KIAA1549: variants seen among roughly 807,000 people sequenced by gnomAD.
KIAA1549 encodes UPF0606 protein KIAA1549.
Under a neutral mutation model 156.4 loss-of-function variants are expected in KIAA1549, and 70 were observed. The observed-to-expected ratio is 0.45, with a 90% CI of 0.37 to 0.55. KIAA1549 has a LOEUF of 0.55. Ranked by LOEUF, KIAA1549 falls within the 20% of genes least tolerant of loss-of-function variation. The pLI is 0.00. For synonymous variants in KIAA1549, 1,103 were observed against 1,066.4 expected, an observed-to-expected ratio of 1.03 and a Z score of -0.67; for missense variants, 2,428 against 2,540.9, an observed-to-expected ratio of 0.96 and a Z score of 0.96.
chr7:138,847,366 T>C (rs550154617), intron 17 of KIAA1549, among the ~76,000 whole-genome samples: 1 of 152,198 alleles, frequency 6.6e-6, no homozygotes, highest in Non-Finnish European at 1.5e-5. Context: ...TTGCTGCTTT[T>C]GGATCACAAA....
chr7:138,981,162 G>A lies in KIAA1549; in HGVS notation c.108C>T (p.Cys36=), dbSNP rs1814536899. The A allele has an allele frequency of 5.1e-6, 6 of 1,179,254 alleles. No individual in the cohort carries two copies. Among genetic ancestry groups the A allele is most frequent in the Non-Finnish European group, 5.2e-6 (5 of 954,330 alleles). The allele number at this position is 1,179,254 out of a possible 1,614,324, so 73.0% of individuals were successfully genotyped here. A position where few individuals can be genotyped will look rare whatever the true frequency, so the allele number is the denominator to read the frequency against. ...GCAGCCCCGGGCGGCGGCGGCGGGCGCAGCGGGCGGAAGGCCGTCGGCCGC... is the reference window on the plus strand; with the variant it reads ...GCAGCCCCGGGCGGCGGCGGCGGGCACAGCGGGCGGAAGGCCGTCGGCCGC... ...GPSGRRPSAR[C]ARRRRPGLLL... Residue 36 remains cysteine, a synonymous_variant, in exon 1 of 20, where the codon TGC becomes TGT. Coordinates refer to ENST00000422774, the MANE Select transcript of KIAA1549 (RefSeq NM_001164665.2). This position sits in a 1 kb window ranked among gnomAD's most constrained non-coding sequence, Gnocchi z 4.5.
Position 138,917,592 on chromosome 7 carries a change from C to T in KIAA1549, c.2034G>A (p.Leu678=). The T allele has an allele frequency of 1.2e-6, 2 of 1,613,844 alleles. No homozygotes were observed. Among genetic ancestry groups the T allele is most frequent in the Non-Finnish European group, 1.7e-6 (2 of 1,179,872 alleles). ...TGGGAAGAGACAGCTGAGATGACTG[C>T]AGATCACTAGAGTCAAACAATGTAA... ...ETFTLFDSSD[L]QSSQLSLPSS... The change falls in exon 2 of 20, where the codon CTG becomes CTA. Residue 678 remains leucine, a synonymous_variant. Transcript: ENST00000422774.
At chr7:138,972,887 T>C (rs1222057629) in intron 1 of KIAA1549, among the ~76,000 whole-genome samples, 1 of 152,154 alleles carries the variant, frequency 6.6e-6, no homozygotes, top group East Asian at 1.9e-4. Context: ...AGTGGCACAA[T>C]CTCAGCTCAC....
chr7:138,837,927 G>A lies in KIAA1549; in HGVS notation c.5832C>T (p.Thr1944=), dbSNP rs375087417. The A allele has an allele frequency of 9.3e-5, 150 of 1,613,666 alleles. No individual in the cohort carries two copies. In the African/African-American group the frequency reaches 1.5e-3, roughly 16 times the overall value. Residue 1944 remains threonine, a synonymous_variant, in exon 20 of 20, where the codon ACC becomes ACT. Coordinates refer to ENST00000422774, the MANE Select transcript of KIAA1549 (RefSeq NM_001164665.2). ...ELLRLSQKQS[T]VQNFHS is the part of the protein sequence containing the mutation. ...CCGATCAGCTGTGGAAGTTCTGCAC[G>A]GTGCTCTGTTTCTGGGAGAGCCGGA...
intron 15 of KIAA1549, among the ~76,000 whole-genome samples, chr7:138,866,609 G>A (rs1049984236): frequency 2.0e-5 from 3 of 152,184 alleles, no homozygotes; most frequent in Non-Finnish European, 1.5e-5. Context: ...CAGTGCTGCC[G>A]GAGTTAGCGG....
chr7:138,952,116 C>G (rs1813518949), intron 1 of KIAA1549, among the ~76,000 whole-genome samples: 1 of 152,132 alleles, frequency 6.6e-6, no homozygotes, highest in African/African-American at 2.4e-5. Flanking sequence ...AGGTCAGAGC[C>G]CCCGGCACTT....
intron 8 of KIAA1549, among the ~76,000 whole-genome samples, chr7:138,899,738 T>A (rs1434810385): frequency 6.6e-6 from 1 of 152,010 alleles, no homozygotes; most frequent in African/African-American, 2.4e-5. Flanking sequence ...CACTGCCAGA[T>A]GCACCCTGGA....
intron 12 of KIAA1549, among the ~76,000 whole-genome samples, chr7:138,879,105 GAAGA>G (rs2130401272): frequency 6.6e-6 from 1 of 152,330 alleles, no homozygotes; most frequent in South Asian, 2.1e-4. Flanking sequence ...CCACCTGGTG[GAAGA>G]AAGATCTAGG....
chr7:138,912,583 A>G (rs542993464), intron 2 of KIAA1549, 123 bp from the exon 3 acceptor site: 537 of 760,096 alleles, frequency 7.1e-4, no homozygotes, highest in Non-Finnish European at 1.0e-3. Context: ...TTTTTGTAAA[A>G]TAAAGGCCAG....
intron 15 of KIAA1549, among the ~76,000 whole-genome samples, chr7:138,865,781 A>G (rs1810720770): frequency 6.6e-6 from 1 of 152,210 alleles, no homozygotes; most frequent in South Asian, 2.1e-4. Context: ...AGGCAAATGA[A>G]GACAGCCAGG....
At chr7:138,843,790 C>T (rs1809989142) in intron 18 of KIAA1549, among the ~76,000 whole-genome samples, 1 of 152,112 alleles carries the variant, frequency 6.6e-6, no homozygotes, top group Non-Finnish European at 1.5e-5. Context: ...TTCCAGGACA[C>T]ACTATTTTTT....
intron 12 of KIAA1549, among the ~76,000 whole-genome samples, chr7:138,877,380 G>A (rs1811118526): frequency 6.6e-6 from 1 of 152,112 alleles, no homozygotes; most frequent in South Asian, 2.1e-4. Context: ...TGTAATCCCA[G>A]CTACTCGGGA....
In KIAA1549 at chr7:138,907,029, T is replaced by C; in HGVS notation, c.3350A>G (p.Lys1117Arg). 6.2e-7 allele frequency: 1 copy of C among 1,613,690 alleles called. No homozygotes were observed. Among genetic ancestry groups the C allele is most frequent in the Non-Finnish European group, 8.5e-7 (1 of 1,179,746 alleles). Residue 1117 changes from lysine (K) to arginine (R), a missense_variant, in exon 6 of 20, where the codon AAA becomes AGA. Physicochemically the swap from Lys to Arg is conservative, Grantham distance 26. This residue lies in a region of KIAA1549 where 762 missense variants were observed against 901.6 expected (regional missense o/e 0.85). Transcript: ENST00000422774. ...CCCATTCAAAAATCCCTGTGTGCTT[T>C]TAACCGCAAAGATGATATTCACCGG... The part of the protein sequence containing the change: ...RGPVNIIFAV[K>R]STQGFLNGSE...
intron 1 of KIAA1549, among the ~76,000 whole-genome samples, chr7:138,957,269 C>G (rs1309405579): frequency 6.6e-6 from 1 of 152,104 alleles, no homozygotes; most frequent in African/African-American, 2.4e-5. Context: ...AAGGATTGAA[C>G]AAACCAGAGA....
chr7:138,969,909 A>G (rs947192528), intron 1 of KIAA1549, among the ~76,000 whole-genome samples: 1 of 152,198 alleles, frequency 6.6e-6, no homozygotes, highest in Non-Finnish European at 1.5e-5. Context: ...TACGTAATGC[A>G]TAATAATCAC....
At chr7:138,964,029 T>C (rs1813936661) in intron 1 of KIAA1549, among the ~76,000 whole-genome samples, 1 of 152,254 alleles carries the variant, frequency 6.6e-6, no homozygotes, top group African/African-American at 2.4e-5. Context: ...ATTGTTAAAA[T>C]GTTTAATTTG....
chr7:138,950,296 A>G (rs1226440376), intron 1 of KIAA1549, among the ~76,000 whole-genome samples: 2 of 152,260 alleles, frequency 1.3e-5, no homozygotes, highest in Non-Finnish European at 1.5e-5. Flanking sequence ...CAAAAACTAA[A>G]TATCTATCAA....
At chr7:138,910,338 C>T (rs1812132670) in intron 4 of KIAA1549, among the ~76,000 whole-genome samples, 1 of 151,848 alleles carries the variant, frequency 6.6e-6, no homozygotes, top group Non-Finnish European at 1.5e-5. Flanking sequence ...AGGAGTTCAA[C>T]ACCAGTCTGG....
At chr7:138,908,854 A>G in intron 5 of KIAA1549, 137 bp downstream of exon 5, 2 of 1,016,230 alleles carry the variant, frequency 2.0e-6, no homozygotes, top group Non-Finnish European at 2.9e-6. Flanking sequence ...ACGCCACAGG[A>G]ATAGATCAAT....
Sources: gnomAD v4.1 joint callset for allele counts (sites outside exome capture counted in the v4.1 genomes callset) on GRCh38, gnomAD v4.1.1 for gene constraint, gnomAD v4.1.1 regional missense constraint, Gnocchi (gnomAD v3.1) non-coding constraint, MANE v1.5 for transcripts, NCBI Gene and HGNC (gene_info 2026-07-23, HGNC 2026-07-21) for gene names.